The following ERN1 variants were observed in gnomAD, a reference collection of about 807,000 sequenced individuals.
The protein encoded by ERN1 is endoplasmic reticulum to nucleus signaling 1.
A neutral mutation model predicts 113.1 loss-of-function variants in ERN1; 39 were observed. The observed-to-expected ratio is 0.34, with a 90% CI of 0.27 to 0.45. The LOEUF is 0.45. Ranked by LOEUF, ERN1 falls within the 20% of genes least tolerant of loss-of-function variation. The probability of loss-of-function intolerance (pLI) is 1.00; values close to 1 mark genes in which losing one functional copy is unlikely to be tolerated. For synonymous variants in ERN1, 507 were observed against 515.9 expected, an observed-to-expected ratio of 0.98 and a Z score of 0.23; for missense variants, 976 against 1,274.8, an observed-to-expected ratio of 0.77 and a Z score of 3.57.
chr17:64,117,442 C>CA (rs147403522), intron 1 of ERN1, among the ~76,000 whole-genome samples: 5,812 of 143,868 alleles, frequency 0.04, 361 homozygotes, highest in African/African-American at 0.14. Flanking sequence ...GACTCTATCT[C>CA]AAAAAAAAAG....
At chr17:64,083,602 G>A (rs774716879) in intron 2 of ERN1, among the ~76,000 whole-genome samples, 1 of 152,156 alleles carries the variant, frequency 6.6e-6, no homozygotes. Context: ...GTAAGGTAAA[G>A]GTAAGGTTAT....
intron 4 of ERN1, among the ~76,000 whole-genome samples, chr17:64,077,527 G>A (rs930452761): frequency 5.9e-5 from 9 of 152,036 alleles, no homozygotes; most frequent in East Asian, 1.9e-4. Context: ...GAATGGCAGC[G>A]TGTGGCCTTT....
At chr17:64,087,114 C>G (rs1290385499) in intron 2 of ERN1, among the ~76,000 whole-genome samples, 1 of 152,154 alleles carries the variant, frequency 6.6e-6, no homozygotes, top group Admixed American at 6.5e-5. Flanking sequence ...CCCCAGGAAG[C>G]TGGCTTTGTA....
chr17:64,060,433 C>T, intron 11 of ERN1, 36 bp downstream of exon 11: 1 of 1,392,150 alleles, frequency 7.2e-7, no homozygotes, highest in South Asian at 1.2e-5. Flanking sequence ...CAACACCTAA[C>T]ACCAACAACC....
chr17:64,067,512 G>A (rs1464193357), intron 7 of ERN1, among the ~76,000 whole-genome samples: 1 of 151,806 alleles, frequency 6.6e-6, no homozygotes. Context: ...GTAGGCTGAG[G>A]TGGGAAGATC....
At chr17:64,129,143 T>C (rs957998424) in intron 1 of ERN1, 5 of 150,780 alleles carry the variant, frequency 3.3e-5, no homozygotes, top group Admixed American at 2.6e-4. Context: ...TGCCCCCAAA[T>C]CCACAGCTGA....
At position 64,090,423 on chromosome 17, in the gene ERN1, C is replaced by G. The variant is rs533711587; in HGVS notation, c.175+7698G>C. Among the ~76,000 whole-genome samples the G allele has an allele frequency of 1.1e-3, 166 of 152,246 alleles. 1 individual carries two copies. Among genetic ancestry groups the G allele is most frequent in the Admixed American group, 9.3e-3 (142 of 15,284 alleles). ...AACTCAGGCCAAAAAACACACTGAA[C>G]GTTATAATCAATCATGAAGGCACTG... On this transcript the variant is annotated intron_variant, in intron 2 of 21. Transcript: ENST00000433197.
Position 64,045,347 on chromosome 17 carries a change from C to T in ERN1, c.2653+12G>A. On this transcript the variant is annotated intron_variant, in intron 20 of 21. Coordinates refer to ENST00000433197, the MANE Select transcript of ERN1 (RefSeq NM_001433.5). ...TTGCAACCTGCCCTCTCACACGCTG[C>T]AGCATGATCACCTGTCTGGAGGGGG... 3 of 1,613,784 alleles carry T rather than the reference C, an allele frequency of 1.9e-6. No homozygotes were observed. The highest frequency in any genetic ancestry group is 1.1e-5 in the South Asian group (1 of 91,078).
intron 2 of ERN1, among the ~76,000 whole-genome samples, chr17:64,085,847 C>T (rs904432410): frequency 3.9e-5 from 6 of 152,172 alleles, no homozygotes; most frequent in Non-Finnish European, 8.8e-5. Flanking sequence ...GTTCTCACCC[C>T]TGTAGCTGAT....
chr17:64,120,793 C>T (rs1192858388), intron 1 of ERN1, among the ~76,000 whole-genome samples: 1 of 152,172 alleles, frequency 6.6e-6, no homozygotes, highest in African/African-American at 2.4e-5. Context: ...TGTAGAAAGA[C>T]ACACAACTGG....
intron 1 of ERN1, among the ~76,000 whole-genome samples, chr17:64,113,823 C>T (rs756314466): frequency 2.7e-4 from 41 of 152,060 alleles, no homozygotes; most frequent in Non-Finnish European, 5.1e-4. Flanking sequence ...GCTGGGATTA[C>T]AGGCGCCCAC....
rs529071982 is a variant in ERN1 at position 64,079,607 on chromosome 17, T to A, written c.282+55A>T. 4 of 1,414,572 alleles carry A rather than the reference T, an allele frequency of 2.8e-6. No homozygotes were observed. In the East Asian group the frequency reaches 9.1e-5, roughly 32 times the overall value. The allele number at this position is 1,414,572 out of a possible 1,614,324, so 87.6% of individuals were successfully genotyped here. ...CAGTAAGACACTGTGCAGACACACT[T>A]AAGGACCGCTGGTCTAGAACCCCTG... On this transcript the variant is annotated intron_variant, in intron 4 of 21. Transcript: ENST00000433197.
At chr17:64,127,685 C>A (rs1235582030) in intron 1 of ERN1, among the ~76,000 whole-genome samples, 1 of 148,396 alleles carries the variant, frequency 6.7e-6, no homozygotes, top group Non-Finnish European at 1.5e-5. Context: ...ACCCGGGAGG[C>A]GGAGGTTGCA....
intron 5 of ERN1, among the ~76,000 whole-genome samples, chr17:64,072,696 T>C (rs1913458299): frequency 6.6e-6 from 1 of 152,248 alleles, no homozygotes; most frequent in South Asian, 2.1e-4. Context: ...CCTCGGGCCA[T>C]ACCCCCTAAT....
At position 64,102,778 on chromosome 17, in the gene ERN1, C is replaced by T. The variant is rs117717718; in HGVS notation, c.55-4537G>A. 3.0e-4 allele frequency: 296 copies of T among 985,288 alleles called. 4 individuals are homozygous for T. The East Asian group carries it at 0.026, about 86-fold the overall frequency. The allele number at this position is 985,288 out of a possible 1,614,324, so 61.0% of individuals were successfully genotyped here. A position where few individuals can be genotyped will look rare whatever the true frequency, so the allele number is the denominator to read the frequency against. ...TTTTCTCTACAAGCAACATACCCTACGGCACACACACTGGTTTCCAGAGAG... is the reference window on the plus strand; with the variant it reads ...TTTTCTCTACAAGCAACATACCCTATGGCACACACACTGGTTTCCAGAGAG... On this transcript the variant is annotated intron_variant, in intron 1 of 21. Coordinates refer to ENST00000433197, the MANE Select transcript of ERN1 (RefSeq NM_001433.5).
intron 2 of ERN1, among the ~76,000 whole-genome samples, chr17:64,093,052 T>C (rs1914132164): frequency 6.6e-6 from 1 of 152,118 alleles, no homozygotes; most frequent in African/African-American, 2.4e-5. Context: ...TTTGCCACTA[T>C]GGTGTAAGAA....
At chr17:64,128,077 C>T (rs530678540) in intron 1 of ERN1, among the ~76,000 whole-genome samples, 2 of 152,084 alleles carry the variant, frequency 1.3e-5, no homozygotes, top group South Asian at 4.1e-4. Context: ...TCTCTGCAAC[C>T]TCTGCCTCCC....
At chr17:64,123,220 A>T (rs932779239) in intron 1 of ERN1, among the ~76,000 whole-genome samples, 1 of 152,206 alleles carries the variant, frequency 6.6e-6, no homozygotes, top group Non-Finnish European at 1.5e-5. Context: ...GACCATACAA[A>T]GAATCTTATC....
chr17:64,071,228 A>T (rs990188115), intron 6 of ERN1, among the ~76,000 whole-genome samples: 1 of 152,184 alleles, frequency 6.6e-6, no homozygotes, highest in Non-Finnish European at 1.5e-5. Flanking sequence ...GTTCCTGAGC[A>T]GGGTGCAGGC....
Sources: allele counts gnomAD v4.1 joint callset (sites outside exome capture counted in the v4.1 genomes callset), GRCh38; gene constraint gnomAD v4.1.1; transcripts MANE v1.5; gene names NCBI Gene and HGNC (gene_info 2026-07-23, HGNC 2026-07-21).